The following SPEN variants were observed in gnomAD, a reference collection of about 807,000 sequenced individuals.
The protein encoded by SPEN is spen family transcriptional repressor, also known as msx2-interacting protein.
A neutral mutation model predicts 269.9 loss-of-function variants in SPEN; 18 were observed. The ratio of observed to expected loss-of-function variants is 0.07; its 90% CI spans 0.05 to 0.10. The LOEUF (loss-of-function observed/expected upper bound fraction) is 0.10. SPEN is among the 10% of genes least tolerant of loss of function. The pLI, the probability that SPEN is intolerant of heterozygous loss-of-function variation, is 1.00. For synonymous variants in SPEN, 1,726 were observed against 1,765.7 expected (o/e 0.98, Z 0.56); for missense variants, 3,822 against 4,631.2 (o/e 0.83, Z 5.07).
chr1:15,935,975 C>T lies in SPEN; in HGVS notation c.9735C>T (p.Pro3245=), dbSNP rs2071270798. ...CAGATGCCAAAGCTGCCCCCACCCC[C>T]ACCCCTGCCCCCGTCCCTGTCCCTG... is the stretch of plus-strand genomic sequence containing the variant. ...KTPDAKAAPT[P]TPAPVPVPVP... The change falls in exon 11 of 15, where the codon CCC becomes CCT. Residue 3245 remains proline (P), a synonymous_variant. Transcript: ENST00000375759. The surrounding 1 kb of genome is among the most constrained non-coding windows in gnomAD (Gnocchi z 7.7). 1.3e-6 allele frequency: 2 copies of T among 1,559,630 alleles called. No individual in the cohort carries two copies. Among genetic ancestry groups the T allele is most frequent in the East Asian group, 2.3e-5 (1 of 42,592 alleles).
chr1:15,933,250 G>T lies in SPEN; in HGVS notation c.7010G>T (p.Arg2337Leu). 3 of 1,614,094 alleles carry T rather than the reference G, an allele frequency of 1.9e-6. No homozygotes were observed. The highest frequency in any genetic ancestry group is 1.7e-5 in the Admixed American group (1 of 60,014). ...GACAAAGGGCGCCAGAAAACAACCCGATCACGCCGCAAGCGAAACACAAAC... is the reference window on the plus strand; with the variant it reads ...GACAAAGGGCGCCAGAAAACAACCCTATCACGCCGCAAGCGAAACACAAAC... The part of the protein sequence containing the change: ...RKDKGRQKTT[R>L]SRRKRNTNKK... Residue 2337 changes from arginine (R) to leucine (L), a missense_variant, in exon 11 of 15, where the codon CGA (arginine) becomes CTA (leucine). By Grantham distance (102) the Arg-to-Leu change is moderately radical. Around this residue, in one of 16 missense-constraint regions of SPEN, gnomAD observed 727 missense variants for 737.9 expected, o/e 0.99. Transcript: ENST00000375759. The surrounding 1 kb of genome is among the most constrained non-coding windows in gnomAD (Gnocchi z 5.7).
At chr1:15,919,831 A>C (rs2071099541) in intron 8 of SPEN, among the ~76,000 whole-genome samples, 1 of 152,312 alleles carries the variant, frequency 6.6e-6, no homozygotes, top group Middle Eastern at 3.4e-3. Flanking sequence ...TAGTCTGACT[A>C]TATAGTTATT....
At chr1:15,881,363 C>T (rs542710741) in intron 3 of SPEN, among the ~76,000 whole-genome samples, 6 of 152,258 alleles carry the variant, frequency 3.9e-5, no homozygotes, top group African/African-American at 1.4e-4. Context: ...CAACTGGTGA[C>T]TTATCCATAA....
chr1:15,931,358 A>C lies in SPEN; in HGVS notation c.5118A>C (p.Ala1706=). The C allele has an allele frequency of 6.2e-7, 1 of 1,614,218 alleles. No homozygotes were observed. The highest frequency in any genetic ancestry group is 8.5e-7 in the Non-Finnish European group (1 of 1,180,038). ...QLEQVDLPPG[A]DPDKEAAMMP... Reference sequence around the variant, plus strand: ...AACAAGTAGACCTGCCCCCAGGAGCAGACCCCGATAAAGAAGCTGCCATGA... The same window carrying C: ...AACAAGTAGACCTGCCCCCAGGAGCCGACCCCGATAAAGAAGCTGCCATGA... Residue 1706 remains alanine (A), a synonymous_variant, in exon 11 of 15, where the codon GCA becomes GCC. Transcript: ENST00000375759. The surrounding 1 kb of genome is among the most constrained non-coding windows in gnomAD (Gnocchi z 4.8).
chr1:15,852,719 T>C (rs1199022844), intron 1 of SPEN, among the ~76,000 whole-genome samples: 1 of 152,214 alleles, frequency 6.6e-6, no homozygotes, highest in Non-Finnish European at 1.5e-5. Flanking sequence ...CTGTAAACAC[T>C]AATCCTTTGG....
In SPEN at chr1:15,933,474, T is replaced by C. The variant is rs1465422889; in HGVS notation, c.7234T>C (p.Ser2412Pro). ...LSKIPSTENSSQEISVEERTP... is the reference protein window; with the variant it reads ...LSKIPSTENSPQEISVEERTP... ...CAAGATTCCCTCCACAGAGAATTCG[T>C]CCCAAGAAATCAGTGTTGAGGAAAG... Residue 2412 changes from serine to proline, a missense_variant, in exon 11 of 15, where the codon TCC becomes CCC. Physicochemically the swap from Ser to Pro is moderately conservative, Grantham distance 74. Coordinates refer to ENST00000375759, the MANE Select transcript of SPEN (RefSeq NM_015001.3). This position sits in a 1 kb window ranked among gnomAD's most constrained non-coding sequence, Gnocchi z 5.7. 9.9e-6 allele frequency: 16 copies of C among 1,613,862 alleles called. No individual in the cohort carries two copies. Among genetic ancestry groups the C allele is most frequent in the Non-Finnish European group, 1.4e-5 (16 of 1,179,996 alleles).
intron 10 of SPEN, among the ~76,000 whole-genome samples, chr1:15,926,436 A>G (rs905469237): frequency 6.6e-6 from 1 of 151,990 alleles, no homozygotes; most frequent in African/African-American, 2.4e-5. Context: ...TTTACAAAAT[A>G]TACATATTTA....
At position 15,883,365 on chromosome 1, in the gene SPEN, G is replaced by A. The variant is rs59563222; in HGVS notation, c.881+6687G>A. ...CAGCTCTTCTGCCATGTTAAGATATGGAAAGTCTTATGTCTCTCTCTTCTC... is the reference window on the plus strand; with the variant it reads ...CAGCTCTTCTGCCATGTTAAGATATAGAAAGTCTTATGTCTCTCTCTTCTC... On this transcript the variant is annotated intron_variant, in intron 3 of 14. Coordinates refer to ENST00000375759, the MANE Select transcript of SPEN (RefSeq NM_015001.3). 7.2e-3 allele frequency among the ~76,000 whole-genome samples: 1,097 copies of A among 152,210 alleles called. 24 individuals carry two copies. Among genetic ancestry groups the A allele is most frequent in the African/African-American group, 0.025 (1,040 of 41,534 alleles).
rs758740337 is a variant in SPEN at position 15,933,234 on chromosome 1, C to T, written c.6994C>T (p.Arg2332Cys). The T allele has an allele frequency of 3.2e-5, 52 of 1,613,954 alleles. No homozygotes were observed. Among genetic ancestry groups the T allele is most frequent in the Non-Finnish European group, 4.0e-5 (47 of 1,180,044 alleles). Reference sequence around the variant, plus strand: ...CACTCTTGTTCGGAAAGACAAAGGGCGCCAGAAAACAACCCGATCACGCCG... The same window carrying T: ...CACTCTTGTTCGGAAAGACAAAGGGTGCCAGAAAACAACCCGATCACGCCG... ...EVTLVRKDKG[R>C]QKTTRSRRKR... The change falls in exon 11 of 15, where the codon CGC (arginine) becomes TGC (cysteine). Residue 2332 changes from arginine (R) to cysteine (C), a missense_variant. Physicochemically the swap from Arg to Cys is radical, Grantham distance 180. This residue lies in a region of SPEN where 727 missense variants were observed against 737.9 expected (regional missense o/e 0.99). Coordinates refer to ENST00000375759, the MANE Select transcript of SPEN (RefSeq NM_015001.3). This position sits in a 1 kb window ranked among gnomAD's most constrained non-coding sequence, Gnocchi z 5.7.
intron 5 of SPEN, among the ~76,000 whole-genome samples, chr1:15,912,446 TA>T (rs2071020696): frequency 6.6e-6 from 1 of 152,178 alleles, no homozygotes; most frequent in African/African-American, 2.4e-5. Flanking sequence ...ATTTATAGGG[TA>T]AACATGGCCT....
chr1:15,889,693 A>G (rs1457696278), intron 3 of SPEN, among the ~76,000 whole-genome samples: 2 of 152,082 alleles, frequency 1.3e-5, no homozygotes, highest in African/African-American at 4.8e-5. Context: ...AGAAATTATG[A>G]TATCTCTATA....
chr1:15,916,263 G>T lies in SPEN; in HGVS notation c.1379G>T (p.Arg460Leu), dbSNP rs1366443836. 1 of 1,610,470 alleles carries T rather than the reference G, an allele frequency of 6.2e-7. No individual in the cohort carries two copies. Among genetic ancestry groups the T allele is most frequent in the Admixed American group, 1.7e-5 (1 of 58,926 alleles). Residue 460 changes from arginine (R) to leucine (L), a missense_variant, in exon 6 of 15, where the codon CGC becomes CTC. Physicochemically the swap from Arg to Leu is moderately radical, Grantham distance 102. This residue lies in a region of SPEN where 230 missense variants were observed against 426.1 expected (regional missense o/e 0.54). Transcript: ENST00000375759. Reference protein sequence around the residue: ...TYHDLRNIFQRFGEIVDIDIK... With the variant: ...TYHDLRNIFQLFGEIVDIDIK... ...CATGACCTTCGCAACATCTTCCAGC[G>T]CTTTGGAGAAATTGTGGTATGTTGC...
intron 3 of SPEN, among the ~76,000 whole-genome samples, chr1:15,903,386 G>T (rs1268352482): frequency 2.6e-5 from 4 of 152,122 alleles, no homozygotes; most frequent in Non-Finnish European, 5.9e-5. Context: ...TGGAAATGTG[G>T]TTAGGAAAAG....
chr1:15,928,097 A>ATTC lies in SPEN; in HGVS notation c.1857_1858insTTC (p.Glu619_Arg620insPhe), dbSNP rs775997749. 1 of 1,592,898 alleles carries ATTC rather than the reference A, an allele frequency of 6.3e-7. No homozygotes were observed. The highest frequency in any genetic ancestry group is 1.1e-5 in the South Asian group (1 of 88,804). ...CTTTGTTATTTTTTGGCAGAGAGGA[A>ATTC]CGAAGGGCATCCTACGACTATAACC... On this transcript the variant is annotated inframe_insertion, in exon 11 of 15. Transcript: ENST00000375759. This position sits in a 1 kb window ranked among gnomAD's most constrained non-coding sequence, Gnocchi z 5.7.
intron 3 of SPEN, among the ~76,000 whole-genome samples, chr1:15,892,553 A>G (rs1330853335): frequency 6.6e-6 from 1 of 152,180 alleles, no homozygotes; most frequent in Non-Finnish European, 1.5e-5. Flanking sequence ...ATGGGTTAAT[A>G]GAAAAGCCTC....
At chr1:15,875,236 G>A (rs574416341) in intron 2 of SPEN, among the ~76,000 whole-genome samples, 1 of 151,790 alleles carries the variant, frequency 6.6e-6, no homozygotes, top group African/African-American at 2.4e-5. Flanking sequence ...AACGTGTTTT[G>A]TACTTTTTAG....
chr1:15,861,763 C>T (rs1391185417), intron 1 of SPEN, among the ~76,000 whole-genome samples: 1 of 151,736 alleles, frequency 6.6e-6, no homozygotes, highest in Non-Finnish European at 1.5e-5. Context: ...AGGACTGGGC[C>T]GGGTGCGGTG....
Position 15,865,423 on chromosome 1 carries a change from T to G in SPEN, c.84-7393T>G, listed in dbSNP as rs973670095. Among the ~76,000 whole-genome samples, 8 of 147,104 alleles carry G rather than the reference T, an allele frequency of 5.4e-5. 2 individuals are homozygous for G. The South Asian group carries it at 1.7e-3, about 31-fold the overall frequency. On this transcript the variant is annotated intron_variant, in intron 1 of 14. Transcript: ENST00000375759. ...CTTCCTATGCAGGTATATGCCTGTT[T>G]TTTTTTTTTTTTTTTTCTGAGACGG...
chr1:15,918,868 T>G, intron 6 of SPEN, 58 bp from the exon 7 acceptor site: 2 of 1,459,348 alleles, frequency 1.4e-6, no homozygotes, highest in Non-Finnish European at 1.9e-6. Flanking sequence ...ATGGACTTGG[T>G]TCATTCTAAT....
Sources: gnomAD v4.1 joint callset for allele counts (sites outside exome capture counted in the v4.1 genomes callset) on GRCh38, gnomAD v4.1.1 for gene constraint, gnomAD v4.1.1 regional missense constraint, Gnocchi (gnomAD v3.1) non-coding constraint, MANE v1.5 for transcripts, NCBI Gene and HGNC (gene_info 2026-07-23, HGNC 2026-07-21) for gene names.